BAG6: variants seen among roughly 807,000 people sequenced by gnomAD.
The protein encoded by BAG6 is BAG cochaperone 6, also known as large proline-rich protein BAG6.
Under a neutral mutation model 121.0 loss-of-function variants are expected in BAG6, and 22 were observed. The observed-to-expected ratio is 0.18, with a 90% CI of 0.13 to 0.26. The LOEUF is 0.26. BAG6 is among the 10% of genes least tolerant of loss of function. The pLI is 1.00. For missense variants in BAG6, 1,233 were observed against 1,537.7 expected (o/e 0.80, Z 3.31); for synonymous variants, 583 against 584.6 (o/e 1.00, Z 0.04).
In BAG6 at chr6:31,641,525, G is replaced by T. The variant is rs776515660; in HGVS notation, c.2559+14C>A. On this transcript the variant is annotated intron_variant, in intron 18 of 25. Transcript: ENST00000676615. This position sits in a 1 kb window ranked among gnomAD's most constrained non-coding sequence, Gnocchi z 5.7. ...AGACCCAGGAGAGGAAAGGAATAGAGAAGGGTTACTCACAAAACTCTCCCG... is the reference window on the plus strand; with the variant it reads ...AGACCCAGGAGAGGAAAGGAATAGATAAGGGTTACTCACAAAACTCTCCCG... 2.5e-6 allele frequency: 4 copies of T among 1,614,138 alleles called. No homozygotes were observed. Among genetic ancestry groups the T allele is most frequent in the Non-Finnish European group, 3.4e-6 (4 of 1,180,000 alleles).
rs1783139206 is a variant in BAG6, at chr6:31,641,831, G to T, written c.2450C>A (p.Ser817Tyr). 6.2e-7 allele frequency: 1 copy of T among 1,613,014 alleles called. No individual in the cohort carries two copies. Among genetic ancestry groups the T allele is most frequent in the Non-Finnish European group, 8.5e-7 (1 of 1,180,056 alleles). The stretch of plus-strand genomic sequence containing the variant: ...ACCCAGGTAGTGCTGGTGGAAGAAG[G>T]ATCGCAGCTGGGGCTGGAGCCGTTG... The part of the protein sequence containing the change: ...PLQRLQPQLR[S>Y]FFHQHYLGGQ... Residue 817 changes from serine to tyrosine, a missense_variant, in exon 17 of 26, where the codon TCC (serine) becomes TAC (tyrosine). Ser to Tyr is a moderately radical substitution (Grantham distance 144). Coordinates refer to ENST00000676615, the MANE Select transcript of BAG6 (RefSeq NM_001387994.1). The surrounding 1 kb of genome is among the most constrained non-coding windows in gnomAD (Gnocchi z 5.7).
chr6:31,650,190 A>G (rs1224964872), intron 2 of BAG6, among the ~76,000 whole-genome samples: 1 of 152,106 alleles, frequency 6.6e-6, no homozygotes, highest in African/African-American at 2.4e-5. Flanking sequence ...ACACATGGAC[A>G]TTATATTATC....
intron 15 of BAG6, 60 bp from the exon 16 acceptor site, chr6:31,642,463 A>G: frequency 1.3e-6 from 1 of 794,424 alleles, no homozygotes; most frequent in African/African-American, 1.7e-5. Context: ...ACACACGGAA[A>G]TAATACGGCA....
chr6:31,643,878 A>ATGAAAAC lies in BAG6; in HGVS notation c.1756+5_1756+11dup. 1.2e-6 allele frequency: 2 copies of ATGAAAAC among 1,612,304 alleles called. No individual in the cohort carries two copies. Among genetic ancestry groups the ATGAAAAC allele is most frequent in the Non-Finnish European group, 1.7e-6 (2 of 1,179,798 alleles). ...GAGTTTAAACTCTGAGTGGGGAAGA[A>ATGAAAAC]TGAAAACTCACCCACAAGGACTGGC... On this transcript the variant is annotated intron_variant, in intron 14 of 25. Transcript: ENST00000676615.
rs759063729 is a variant in BAG6 at position 31,649,252 on chromosome 6, C to G, written c.370G>C (p.Val124Leu). The G allele has an allele frequency of 2.5e-6, 4 of 1,612,966 alleles. No individual in the cohort carries two copies. The African/African-American group carries it at 4.0e-5, about 16-fold the overall frequency. ...PPGTRGPGAS[V>L]HDRNANSYVM... ...TAGCTGTTGGCATTCCGGTCATGAA[C>G]AGAGGCCCCAGGCCCCCGAGTACCA... The change falls in exon 4 of 26, where the codon GTT becomes CTT. Residue 124 changes from valine (V) to leucine (L), a missense_variant. Physicochemically the swap from Val to Leu is conservative, Grantham distance 32. Around this residue, in one of 7 missense-constraint regions of BAG6, gnomAD observed 777 missense variants for 861.4 expected, o/e 0.90. Transcript: ENST00000676615.
chr6:31,642,446 A>T, intron 15 of BAG6, 43 bp from the exon 16 acceptor site: 1 of 893,792 alleles, frequency 1.1e-6, no homozygotes. Flanking sequence ...GTGAGGTGAG[A>T]ATGAAGACAC....
At chr6:31,643,704 AGAGT>A (rs903953300) in intron 14 of BAG6, among the ~76,000 whole-genome samples, 182 bp downstream of exon 14, 7 of 127,866 alleles carry the variant, frequency 5.5e-5, no homozygotes, top group African/African-American at 2.2e-4. Context: ...GCCTAGCAAC[AGAGT>A]GAGACTCCAT....
rs1286824058 is a variant in BAG6 at position 31,639,513 on chromosome 6, C to T, written c.3380G>A (p.Ser1127Asn). The T allele has an allele frequency of 2.5e-6, 4 of 1,613,650 alleles. No homozygotes were observed. The highest frequency in any genetic ancestry group is 1.1e-5 in the South Asian group (1 of 91,036). ...TCAAGGTGGCACCTGCTGCCTGTAG[C>T]TCTCCTGAACCTCTGGTGCCTCCAG... is the stretch of plus-strand genomic sequence containing the variant. ...RDLEAPEVQE[S>N]YRQQLRSDIQ... Residue 1127 changes from serine to asparagine, a missense_variant, in exon 25 of 26, where the codon AGC (serine) becomes AAC (asparagine). Physicochemically the swap from Ser to Asn is conservative, Grantham distance 46 (BLOSUM62 1). Coordinates refer to ENST00000676615, the MANE Select transcript of BAG6 (RefSeq NM_001387994.1).
In BAG6 at chr6:31,639,216, T is replaced by C; in HGVS notation, c.3404A>G (p.Asp1135Gly). 6.2e-7 allele frequency: 1 copy of C among 1,613,296 alleles called. No homozygotes were observed. Among genetic ancestry groups the C allele is most frequent in the Non-Finnish European group, 8.5e-7 (1 of 1,179,646 alleles). ...GTCTTCCTGCAGTCGTTTTTGTATA[T>C]CAGACCGGAGCTAAAGAGAAAAAGT... ...QESYRQQLRS[D>G]IQKRLQEDPN... Residue 1135 changes from aspartate (D) to glycine (G), a missense_variant, in exon 26 of 26, where the codon GAT becomes GGT. Physicochemically the swap from Asp to Gly is moderately conservative, Grantham distance 94. Coordinates refer to ENST00000676615, the MANE Select transcript of BAG6 (RefSeq NM_001387994.1).
Position 31,641,712 on chromosome 6 carries a change from A to G in BAG6, c.2505+64T>C. 1 of 1,611,200 alleles carries G rather than the reference A, an allele frequency of 6.2e-7. No homozygotes were observed. Among genetic ancestry groups the G allele is most frequent in the Non-Finnish European group, 8.5e-7 (1 of 1,177,598 alleles). On this transcript the variant is annotated intron_variant, in intron 17 of 25. Transcript: ENST00000676615. This position sits in a 1 kb window ranked among gnomAD's most constrained non-coding sequence, Gnocchi z 5.7. ...TTGGAGCTTTACCTGGCAGAGAAGC[A>G]GTCAGAAATAAGGAATAAAATGTGC...
In BAG6 at chr6:31,640,672, T is replaced by C. The variant is rs775013758; in HGVS notation, c.2967A>G (p.Gly989=). ...GAGGCTCAGGGGAAGCTCTTTCTGC[T>C]CCCTGAACTTCCATTGGCTCCTCAG... ...PLPEEPMEVQ[G]AERASPEPQR... Residue 989 remains glycine (G), a synonymous_variant, in exon 22 of 26, where the codon GGA becomes GGG. Coordinates refer to ENST00000676615, the MANE Select transcript of BAG6 (RefSeq NM_001387994.1). This position sits in a 1 kb window ranked among gnomAD's most constrained non-coding sequence, Gnocchi z 4.2. 6.8e-6 allele frequency: 11 copies of C among 1,612,954 alleles called. No individual in the cohort carries two copies. The highest frequency in any genetic ancestry group is 8.5e-6 in the Non-Finnish European group (10 of 1,179,994).
At chr6:31,642,005 C>A (rs1364159547) in intron 16 of BAG6, 60 bp from the exon 17 acceptor site, 40 of 1,601,156 alleles carry the variant, frequency 2.5e-5, no homozygotes, top group Non-Finnish European at 3.2e-5. Context: ...CCACCCACAA[C>A]CAGATCATCA....
rs1782182817 is a variant in BAG6, at chr6:31,640,988, G to C, written c.2788-50C>G. ...AACACAAAACCCTCAACCACCTTTA[G>C]AAATAGATTAGATCCAGGTTACAGA... On this transcript the variant is annotated intron_variant, in intron 20 of 25. Transcript: ENST00000676615. This position sits in a 1 kb window ranked among gnomAD's most constrained non-coding sequence, Gnocchi z 4.2. 1 of 1,603,202 alleles carries C rather than the reference G, an allele frequency of 6.2e-7. No homozygotes were observed. The highest frequency in any genetic ancestry group is 2.2e-5 in the East Asian group (1 of 44,732).
intron 2 of BAG6, among the ~76,000 whole-genome samples, chr6:31,651,176 A>C (rs1189941553): frequency 1.3e-5 from 2 of 152,242 alleles, no homozygotes; most frequent in Non-Finnish European, 2.9e-5. Flanking sequence ...GGAGGACAGA[A>C]CAAAATCAGC....
intron 9 of BAG6, 66 bp downstream of exon 9, chr6:31,645,341 T>C: frequency 1.2e-6 from 2 of 1,610,038 alleles, no homozygotes; most frequent in Non-Finnish European, 1.7e-6. Context: ...TCAGGCCCAG[T>C]AGCTACCCTG....
intron 7 of BAG6, 133 bp downstream of exon 7, chr6:31,647,458 C>T (rs984932298): frequency 4.5e-6 from 6 of 1,338,988 alleles, no homozygotes; most frequent in Non-Finnish European, 6.1e-6. Context: ...GAGAGCCCCT[C>T]CTCGCCCCTC....
rs1198900472 is a variant in BAG6, at chr6:31,641,326, A to G, written c.2656T>C (p.Cys886Arg). 1 of 1,614,246 alleles carries G rather than the reference A, an allele frequency of 6.2e-7. No homozygotes were observed. The highest frequency in any genetic ancestry group is 1.1e-5 in the South Asian group (1 of 91,090). The change falls in exon 19 of 26, where the codon TGC becomes CGC. Residue 886 changes from cysteine (C) to arginine (R), a missense_variant. Around this residue, in one of 7 missense-constraint regions of BAG6, gnomAD observed 288 missense variants for 483.1 expected, o/e 0.60. Transcript: ENST00000676615. The surrounding 1 kb of genome is among the most constrained non-coding windows in gnomAD (Gnocchi z 5.7). ...CGCCTGGCCAGCCCCTGACCTGTGC[A>G]ATGCAGCACATGCGCAGCAATGCTA... Reference protein sequence around the residue: ...FNSIAAHVLHCTDSGFGARLL... With the variant: ...FNSIAAHVLHRTDSGFGARLL...
In BAG6 at chr6:31,645,562, C is replaced by G; in HGVS notation, c.961G>C (p.Gly321Arg). 1 of 1,613,162 alleles carries G rather than the reference C, an allele frequency of 6.2e-7. No homozygotes were observed. Reference sequence around the variant, plus strand: ...TTGCCCAGCAGTCGCAGGCTCTCCCCTACCAAGTTGATCAACCGCTGATCC... The same window carrying G: ...TTGCCCAGCAGTCGCAGGCTCTCCCGTACCAAGTTGATCAACCGCTGATCC... ...EEDQRLINLV[G>R]ESLRLLGNTF... is the part of the protein sequence containing the mutation. The change falls in exon 9 of 26, where the codon GGG becomes CGG. Residue 321 changes from glycine to arginine, a missense_variant. Gly to Arg is a moderately radical substitution (Grantham distance 125). Around this residue, in one of 7 missense-constraint regions of BAG6, gnomAD observed 777 missense variants for 861.4 expected, o/e 0.90. Coordinates refer to ENST00000676615, the MANE Select transcript of BAG6 (RefSeq NM_001387994.1).
intron 7 of BAG6, 97 bp downstream of exon 7, chr6:31,647,494 C>T: frequency 6.4e-7 from 1 of 1,563,008 alleles, no homozygotes; most frequent in Non-Finnish European, 8.7e-7. Flanking sequence ...ACTAAGACCT[C>T]CAAGTAATCC....
Sources: gnomAD v4.1 joint callset for allele counts (sites outside exome capture counted in the v4.1 genomes callset) on GRCh38, gnomAD v4.1.1 for gene constraint, gnomAD v4.1.1 regional missense constraint, Gnocchi (gnomAD v3.1) non-coding constraint, MANE v1.5 for transcripts, NCBI Gene and HGNC (gene_info 2026-07-23, HGNC 2026-07-21) for gene names.